Variants in INO80C observed in about 807,000 individuals in gnomAD.
INO80C encodes IES6 homolog.
A neutral mutation model predicts 17.7 loss-of-function variants in INO80C; 17 were observed. The observed-to-expected ratio is 0.96, with a 90% CI of 0.66 to 1.44. The LOEUF (loss-of-function observed/expected upper bound fraction) is 1.44. Among genes scored for constraint, INO80C ranks in the 40% most tolerant of loss-of-function variants. The pLI, the probability that INO80C is intolerant of heterozygous loss-of-function variation, is 0.00. For missense variants in INO80C, 244 were observed against 245.0 expected, an observed-to-expected ratio of 1.00 and a Z score of 0.03; for synonymous variants, 96 against 95.8, an observed-to-expected ratio of 1.00 and a Z score of -0.01.
intron 1 of INO80C, among the ~76,000 whole-genome samples, chr18:35,492,331 T>C (rs998409728): frequency 6.6e-6 from 1 of 152,306 alleles, no homozygotes; most frequent in South Asian, 2.1e-4. Context: ...ATGCAGTCAA[T>C]AGTCATAAAA....
intron 2 of INO80C, 117 bp downstream of exon 2, chr18:35,480,336 G>A: frequency 1.4e-6 from 1 of 730,454 alleles, no homozygotes; most frequent in Non-Finnish European, 2.5e-6. Context: ...GGAGAAGGAG[G>A]TAACTGAGAC....
At chr18:35,483,964 T>TA (rs1286301231) in intron 1 of INO80C, among the ~76,000 whole-genome samples, 3 of 152,190 alleles carry the variant, frequency 2.0e-5, no homozygotes, top group Admixed American at 1.3e-4. Flanking sequence ...CGGCAGGGGA[T>TA]AAAAAATAGA....
chr18:35,490,568 C>G, intron 1 of INO80C, among the ~76,000 whole-genome samples: 1 of 123,334 alleles, frequency 8.1e-6, no homozygotes, highest in South Asian at 2.4e-4. Flanking sequence ...AGGAAAAAAC[C>G]AATCTGAACT....
chr18:35,484,499 C>G (rs1045587165), intron 1 of INO80C, among the ~76,000 whole-genome samples: 1 of 152,200 alleles, frequency 6.6e-6, no homozygotes, highest in Non-Finnish European at 1.5e-5. Context: ...CAAGCAACCA[C>G]AGACAGAAGA....
In INO80C at chr18:35,478,409, CT is replaced by C. The variant is rs1383625085; in HGVS notation, c.380-61del. The C allele has an allele frequency of 8.6e-5, 106 of 1,235,330 alleles. No homozygotes were observed. The East Asian group carries it at 1.4e-3, about 17-fold the overall frequency. The allele number at this position is 1,235,330 out of a possible 1,614,324, so 76.5% of individuals were successfully genotyped here. On this transcript the variant is annotated intron_variant, in intron 3 of 4. Transcript: ENST00000334598. ...AACTGAAAACATTCAAATCCCTTCTCTTTTTTTTTCTAAAATAGTATTTGAT... is the reference window on the plus strand; with the variant it reads ...AACTGAAAACATTCAAATCCCTTCTCTTTTTTTTCTAAAATAGTATTTGAT...
chr18:35,497,118 G>A (rs2045990650), intron 1 of INO80C, among the ~76,000 whole-genome samples: 1 of 152,142 alleles, frequency 6.6e-6, no homozygotes, highest in African/African-American at 2.4e-5. Flanking sequence ...TTCATTGCTG[G>A]AATTACGGAA....
At chr18:35,488,890 C>T (rs2045904974) in intron 1 of INO80C, among the ~76,000 whole-genome samples, 1 of 152,182 alleles carries the variant, frequency 6.6e-6, no homozygotes, top group South Asian at 2.1e-4. Flanking sequence ...CTGCCAGATA[C>T]CCGAAATCAT....
At chr18:35,481,762 T>C (rs891173448) in intron 1 of INO80C, among the ~76,000 whole-genome samples, 3 of 152,160 alleles carry the variant, frequency 2.0e-5, no homozygotes, top group African/African-American at 7.2e-5. Flanking sequence ...TGTGTGCCTG[T>C]AGACCCAGCT....
chr18:35,472,622 A>G (rs2045684113), intron 4 of INO80C, among the ~76,000 whole-genome samples: 1 of 152,156 alleles, frequency 6.6e-6, no homozygotes, highest in African/African-American at 2.4e-5. Flanking sequence ...TATAAGGCAT[A>G]TTGCAAGGTC....
At chr18:35,488,053 T>C (rs1307933762) in intron 1 of INO80C, among the ~76,000 whole-genome samples, 2 of 152,224 alleles carry the variant, frequency 1.3e-5, no homozygotes, top group African/African-American at 4.8e-5. Flanking sequence ...GTTCCCATGG[T>C]CTTGGGCAGC....
chr18:35,475,685 A>G (rs2045727299), intron 4 of INO80C, among the ~76,000 whole-genome samples: 1 of 150,320 alleles, frequency 6.7e-6, no homozygotes, highest in Non-Finnish European at 1.5e-5. Context: ...AAAAAAAAAA[A>G]TGAAGAAGAA....
intron 1 of INO80C, chr18:35,483,806 G>A (rs1197979325): frequency 6.6e-6 from 1 of 152,182 alleles, no homozygotes; most frequent in African/African-American, 2.4e-5. Context: ...GGGGCAGAGG[G>A]GAACATAGTG....
chr18:35,490,195 A>G (rs1420307574), intron 1 of INO80C, among the ~76,000 whole-genome samples: 1 of 152,132 alleles, frequency 6.6e-6, no homozygotes, highest in Non-Finnish European at 1.5e-5. Context: ...TGGAAGGAAC[A>G]TGGGGTGAGC....
chr18:35,493,371 T>C (rs1004266888), intron 1 of INO80C, among the ~76,000 whole-genome samples: 5 of 152,204 alleles, frequency 3.3e-5, no homozygotes, highest in Non-Finnish European at 7.3e-5. Flanking sequence ...ACATTATTAA[T>C]CAACAACTGT....
In INO80C at chr18:35,488,562, G is replaced by A. The variant is rs533433584; in HGVS notation, c.157-7999C>T. Among the ~76,000 whole-genome samples the A allele has an allele frequency of 3.3e-3, 504 of 152,264 alleles. 1 individual carries two copies. Among genetic ancestry groups the A allele is most frequent in the Non-Finnish European group, 4.9e-3 (335 of 68,028 alleles). ...TTCCCAGGCTGCGCACAGCAGAGGG[G>A]TCCCTGGGTCAGTCACCTGAAACCT... On this transcript the variant is annotated intron_variant, in intron 1 of 4. Transcript: ENST00000334598.
Position 35,468,495 on chromosome 18 carries a change from G to A in INO80C, c.*116C>T, listed in dbSNP as rs2045629068. 3 of 1,539,448 alleles carry A rather than the reference G, an allele frequency of 1.9e-6. No individual in the cohort carries two copies. The highest frequency in any genetic ancestry group is 4.0e-5 in the Admixed American group (2 of 50,226). ...ATTAAAGCCAAACATTCTTTCCAAG[G>A]CACAGCACTGGCATTTTCAGATTGA... On this transcript the variant is annotated 3_prime_UTR_variant, in exon 5 of 5. Transcript: ENST00000334598.
rs528583701 is a variant in INO80C at position 35,488,375 on chromosome 18, T to TG, written c.157-7813dup. On this transcript the variant is annotated intron_variant, in intron 1 of 4. Coordinates refer to ENST00000334598, the MANE Select transcript of INO80C (RefSeq NM_194281.4). ...TTCCATACATCCTCTGAAATGTAGG[T>TG]GGAGGTTCCCAAACCTCAATTCTTG... Among the ~76,000 whole-genome samples the TG allele has an allele frequency of 2.4e-4, 37 of 152,346 alleles. No individual in the cohort carries two copies. The East Asian group carries it at 7.0e-3, about 29-fold the overall frequency.
chr18:35,470,268 C>G (rs1187934991), intron 4 of INO80C, among the ~76,000 whole-genome samples: 2 of 152,276 alleles, frequency 1.3e-5, no homozygotes, highest in African/African-American at 2.4e-5. Context: ...CATTTTGCCA[C>G]TGGGAACCCC....
At chr18:35,497,161 C>G in intron 1 of INO80C, 1 of 167,592 alleles carries the variant, frequency 6.0e-6, no homozygotes, top group Non-Finnish European at 1.2e-5. Context: ...ACGTCTGAGC[C>G]AGGCGCTGAG....
Sources: allele counts gnomAD v4.1 joint callset (sites outside exome capture counted in the v4.1 genomes callset), GRCh38; gene constraint gnomAD v4.1.1; transcripts MANE v1.5; gene names NCBI Gene and HGNC (gene_info 2026-07-23, HGNC 2026-07-21).